The following MYLK4 variants were observed in gnomAD, a reference collection of about 807,000 sequenced individuals.
MYLK4 encodes myosin light chain kinase family member 4, also known as caMLCK like.
MYLK4 carries 46 observed loss-of-function variants against 48.1 expected under a neutral mutation model. The observed-to-expected ratio is 0.96, with a 90% confidence interval of 0.75 to 1.22. The LOEUF (loss-of-function observed/expected upper bound fraction) is 1.22. MYLK4 is among the 50% of genes most tolerant of loss of function. The pLI is 0.00. For missense variants in MYLK4, 451 were observed against 486.1 expected, an observed-to-expected ratio of 0.93 and a Z score of 0.68; for synonymous variants, 170 against 180.8, an observed-to-expected ratio of 0.94 and a Z score of 0.48.
chr6:2,704,250 A>G (rs1762406482), intron 2 of MYLK4, among the ~76,000 whole-genome samples: 1 of 152,196 alleles, frequency 6.6e-6, no homozygotes, highest in African/African-American at 2.4e-5. Flanking sequence ...AAGGGCTGCC[A>G]TTACATGCCC....
intron 2 of MYLK4, among the ~76,000 whole-genome samples, chr6:2,720,508 T>C (rs1163945310): frequency 6.6e-6 from 1 of 152,130 alleles, no homozygotes; most frequent in Non-Finnish European, 1.5e-5. Flanking sequence ...CTCATTGATA[T>C]TAGGCTAGTG....
intron 2 of MYLK4, among the ~76,000 whole-genome samples, chr6:2,732,117 C>G (rs1157442194): frequency 6.6e-6 from 1 of 152,216 alleles, no homozygotes; most frequent in African/African-American, 2.4e-5. Context: ...TGGCCTTTGG[C>G]CAGCCTTGTT....
chr6:2,680,415 G>T, intron 7 of MYLK4, 124 bp from the exon 8 acceptor site: 1 of 1,546,682 alleles, frequency 6.5e-7, no homozygotes, highest in East Asian at 2.3e-5. Flanking sequence ...ACTTCGGGGC[G>T]GGCTTGTCCG....
chr6:2,737,978 GGGT>G lies in MYLK4; in HGVS notation c.159+11155_159+11157del, dbSNP rs201639902. Among the ~76,000 whole-genome samples, 189 of 71,172 alleles carry G rather than the reference GGGT, an allele frequency of 2.7e-3. 9 individuals carry two copies. Among genetic ancestry groups the G allele is most frequent in the African/African-American group, 8.8e-3 (173 of 19,638 alleles). The allele number at this position is 71,172 out of a possible 152,430, so 46.7% of individuals were successfully genotyped here. A position where few individuals can be genotyped will look rare whatever the true frequency, so the allele number is the denominator to read the frequency against. ...CTGCTGGGGGTGGGGTGCCGGGGGCGGGTGGGGGGGGGGTGGTCAATGTTATTA... is the reference window on the plus strand; with the variant it reads ...CTGCTGGGGGTGGGGTGCCGGGGGCGGGGGGGGGGGTGGTCAATGTTATTA... On this transcript the variant is annotated intron_variant, in intron 2 of 12. Coordinates refer to ENST00000274643, the MANE Select transcript of MYLK4 (RefSeq NM_001012418.5).
intron 7 of MYLK4, among the ~76,000 whole-genome samples, chr6:2,681,416 G>A (rs971398492): frequency 6.6e-6 from 1 of 152,136 alleles, no homozygotes; most frequent in Non-Finnish European, 1.5e-5. Flanking sequence ...ATAGAGAAGG[G>A]GGTGCTACGT....
At chr6:2,755,005 AG>A (rs34175531), upstream of MYLK4, among the ~76,000 whole-genome samples, 99,554 of 151,950 alleles carry the variant, frequency 0.66, 33,080 homozygotes, top group Non-Finnish European at 0.71. Flanking sequence ...TGAGCAAGAA[AG>A]ATAATGATGT....
the MYLK4 span, chr6:2,766,294 C>T: frequency 1.2e-6 from 2 of 1,601,654 alleles, no homozygotes; most frequent in Non-Finnish European, 1.7e-6. Flanking sequence ...TGCTACAGGG[C>T]AAGCCGCTGG....
upstream of MYLK4, among the ~76,000 whole-genome samples, chr6:2,752,381 A>G (rs192445133): frequency 9.6e-4 from 146 of 151,502 alleles, no homozygotes; most frequent in African/African-American, 3.3e-3. Flanking sequence ...TCAATACTTT[A>G]TTGTTGCTGG....
chr6:2,696,136 G>A (rs1324178883), intron 2 of MYLK4, among the ~76,000 whole-genome samples: 2 of 152,182 alleles, frequency 1.3e-5, no homozygotes, highest in African/African-American at 4.8e-5. Flanking sequence ...GAATGACACA[G>A]GGAAGAAAGG....
Position 2,722,918 on chromosome 6 carries a change from T to G in MYLK4, c.159+26218A>C, listed in dbSNP as rs1445899946. On this transcript the variant is annotated intron_variant, in intron 2 of 12. Coordinates refer to ENST00000274643, the MANE Select transcript of MYLK4 (RefSeq NM_001012418.5). ...TGCCCCAATTCTTAGCATGACAATT[T>G]GAGAACCTATTGTATCACCTTAATA... 2.0e-5 allele frequency among the ~76,000 whole-genome samples: 3 copies of G among 152,356 alleles called. No individual in the cohort carries two copies. In the East Asian group the frequency reaches 5.8e-4, roughly 29 times the overall value.
intron 2 of MYLK4, 83 bp from the exon 3 acceptor site, chr6:2,692,942 T>G: frequency 8.0e-7 from 1 of 1,247,218 alleles, no homozygotes; most frequent in East Asian, 2.5e-5. Context: ...TTGCGCTGGA[T>G]GATTCCGTGT....
At chr6:2,713,093 C>T (rs574799486) in intron 2 of MYLK4, among the ~76,000 whole-genome samples, 4 of 152,226 alleles carry the variant, frequency 2.6e-5, no homozygotes, top group African/African-American at 7.2e-5. Flanking sequence ...AACATAGTCC[C>T]GGCATGGTGG....
At position 2,737,656 on chromosome 6, in the gene MYLK4, G is replaced by C. The variant is rs540634530; in HGVS notation, c.159+11480C>G. Among the ~76,000 whole-genome samples, 11 of 152,206 alleles carry C rather than the reference G, an allele frequency of 7.2e-5. No individual in the cohort carries two copies. The South Asian group carries it at 2.1e-3, about 29-fold the overall frequency. On this transcript the variant is annotated intron_variant, in intron 2 of 12. Coordinates refer to ENST00000274643, the MANE Select transcript of MYLK4 (RefSeq NM_001012418.5). The stretch of plus-strand genomic sequence containing the variant: ...GGGGGAGTCCATAGCTCCAGGCAAT[G>C]TGGCATCAAGATGCTAGGATCCCAG...
chr6:2,718,916 AC>A (rs1762965570), intron 2 of MYLK4, among the ~76,000 whole-genome samples: 1 of 152,234 alleles, frequency 6.6e-6, no homozygotes, highest in African/African-American at 2.4e-5. Context: ...TACATTAAGA[AC>A]GCCTTTAGAT....
At chr6:2,683,198 A>T (rs1227272248) in intron 6 of MYLK4, 36 bp from the exon 7 acceptor site, 2 of 1,612,630 alleles carry the variant, frequency 1.2e-6, no homozygotes, top group Non-Finnish European at 1.7e-6. Context: ...CTCAGTCCCG[A>T]TTTCCTTACC....
intron 2 of MYLK4, chr6:2,744,000 C>A: frequency 2.5e-6 from 1 of 399,032 alleles, no homozygotes; most frequent in East Asian, 3.6e-5. Flanking sequence ...ACGCTACCTA[C>A]AACCCAGACG....
chr6:2,694,499 G>GGCGGCGGTGGCAGTA (rs1761948219), intron 2 of MYLK4, among the ~76,000 whole-genome samples: 1 of 29,634 alleles, frequency 3.4e-5, no homozygotes, highest in Non-Finnish European at 7.2e-5. Flanking sequence ...TCATGGTGGT[G>GGCGGCGGTGGCAGTA]GTGGTGGTGG....
intron 2 of MYLK4, among the ~76,000 whole-genome samples, chr6:2,696,206 G>C (rs923515233): frequency 2.0e-5 from 3 of 152,186 alleles, no homozygotes; most frequent in African/African-American, 7.2e-5. Flanking sequence ...ACTCTGTCTG[G>C]CTTCCTAGAC....
intron 4 of MYLK4, among the ~76,000 whole-genome samples, chr6:2,686,576 G>A (rs746547570): frequency 1.1e-4 from 16 of 152,204 alleles, no homozygotes; most frequent in Non-Finnish European, 2.2e-4. Context: ...ACAGTAGGGA[G>A]TGAGGAACAG....
Sources: allele counts gnomAD v4.1 joint callset (sites outside exome capture counted in the v4.1 genomes callset), GRCh38; gene constraint gnomAD v4.1.1; transcripts MANE v1.5; gene names NCBI Gene and HGNC (gene_info 2026-07-23, HGNC 2026-07-21).